FTCDNL1: variants seen among roughly 807,000 people sequenced by gnomAD.
FTCDNL1 encodes the protein formiminotransferase cyclodeaminase N-terminal like, also known as formiminotransferase N-terminal subdomain-containing protein.
FTCDNL1 carries 11 observed loss-of-function variants against 5.9 expected under a neutral mutation model. That is an observed-to-expected ratio of 1.87 (90% CI 1.18 to 3.10). The LOEUF (loss-of-function observed/expected upper bound fraction) is 3.10. Among genes scored for constraint, FTCDNL1 ranks in the 30% most tolerant of loss-of-function variants. The pLI, the probability that FTCDNL1 is intolerant of heterozygous loss-of-function variation, is 0.00. For missense variants in FTCDNL1, 115 were observed against 65.5 expected, an observed-to-expected ratio of 1.76 and a Z score of -2.61; for synonymous variants, 58 against 24.8, an observed-to-expected ratio of 2.34 and a Z score of -3.99.
At chr2:199,771,213 T>C (rs1698792055) in intron 3 of FTCDNL1, among the ~76,000 whole-genome samples, 1 of 152,252 alleles carries the variant, frequency 6.6e-6, no homozygotes, top group Non-Finnish European at 1.5e-5. Flanking sequence ...ACGAGTCAAC[T>C]ATAAGACAAT....
At chr2:199,714,698 A>G in the FTCDNL1 span, among the ~76,000 whole-genome samples, 3 of 152,164 alleles carry the variant, frequency 2.0e-5, no homozygotes, top group Non-Finnish European at 4.4e-5. Flanking sequence ...TGGCACAGGA[A>G]TGCTGGGGGG....
intron 3 of FTCDNL1, among the ~76,000 whole-genome samples, chr2:199,796,395 C>G (rs1256095858): frequency 6.6e-6 from 1 of 152,114 alleles, no homozygotes; most frequent in East Asian, 1.9e-4. Flanking sequence ...ATGGACTTAT[C>G]CTCAACTGAA....
At chr2:199,767,335 T>G (rs1036808723) in intron 3 of FTCDNL1, among the ~76,000 whole-genome samples, 1 of 152,194 alleles carries the variant, frequency 6.6e-6, no homozygotes, top group African/African-American at 2.4e-5. Context: ...CTGAATCCTC[T>G]CATTTCACAA....
chr2:199,819,760 G>A lies in FTCDNL1; in HGVS notation c.212-3C>T. 1 of 685,916 alleles carries A rather than the reference G, an allele frequency of 1.5e-6. No homozygotes were observed. The highest frequency in any genetic ancestry group is 2.7e-6 in the Non-Finnish European group (1 of 375,422). 42.5% of individuals were successfully genotyped at this position (685,916 alleles called of 1,614,324 possible). A position where few individuals can be genotyped will look rare whatever the true frequency, so the allele number is the denominator to read the frequency against. On this transcript the variant is annotated splice_polypyrimidine_tract_variant and splice_region_variant and intron_variant, in intron 3 of 4. Transcript: ENST00000420128. Reference sequence around the variant, plus strand: ...CAGCACCAGATCCTCAGCAAGGCCTGTGGCAGAGGGAATTTTAACCAAAGA... The same window carrying A: ...CAGCACCAGATCCTCAGCAAGGCCTATGGCAGAGGGAATTTTAACCAAAGA...
chr2:199,782,766 G>C (rs533815258), intron 3 of FTCDNL1, among the ~76,000 whole-genome samples: 1 of 152,288 alleles, frequency 6.6e-6, no homozygotes, highest in East Asian at 1.9e-4. Context: ...TCTTCAAAAT[G>C]TCTGGGACTT....
the FTCDNL1 span, among the ~76,000 whole-genome samples, chr2:199,739,763 C>T: frequency 6.6e-6 from 1 of 152,198 alleles, no homozygotes; most frequent in Non-Finnish European, 1.5e-5. Flanking sequence ...ATGAAAATAA[C>T]GCTGCATGCT....
chr2:199,757,297 A>G (rs938775920), downstream of FTCDNL1, among the ~76,000 whole-genome samples: 43 of 151,900 alleles, frequency 2.8e-4, no homozygotes, highest in Non-Finnish European at 4.9e-4. Context: ...AATAAATGCC[A>G]AACAAATAGG....
intron 3 of FTCDNL1, among the ~76,000 whole-genome samples, chr2:199,765,034 G>A (rs1346403845): frequency 6.6e-6 from 1 of 152,046 alleles, no homozygotes. Context: ...GCCTTCTTTC[G>A]CCCATCTCAA....
intron 3 of FTCDNL1, among the ~76,000 whole-genome samples, chr2:199,834,719 G>A (rs2106599865): frequency 6.6e-6 from 1 of 152,268 alleles, no homozygotes; most frequent in Non-Finnish European, 1.5e-5. Flanking sequence ...AAAGGAAGAC[G>A]TGTATTATTT....
At chr2:199,766,546 A>G (rs1038778788) in intron 3 of FTCDNL1, among the ~76,000 whole-genome samples, 3 of 152,238 alleles carry the variant, frequency 2.0e-5, no homozygotes, top group African/African-American at 7.2e-5. Context: ...TAATTTAGGA[A>G]TCAGAAATAT....
chr2:199,849,289 T>C (rs2076813851), intron 1 of FTCDNL1, among the ~76,000 whole-genome samples: 1 of 152,226 alleles, frequency 6.6e-6, no homozygotes, highest in East Asian at 1.9e-4. Flanking sequence ...TTCCTTAGCC[T>C]TATCCCTGTT....
chr2:199,701,297 T>A, the FTCDNL1 span, among the ~76,000 whole-genome samples: 6 of 70,892 alleles, frequency 8.5e-5, no homozygotes, highest in East Asian at 4.6e-4. Context: ...TACTTGAAAG[T>A]TTAAAAAAAA....
rs141478748 is a variant in FTCDNL1, at chr2:199,787,979, T to A, written c.212-27144A>T. 8.5e-5 allele frequency among the ~76,000 whole-genome samples: 13 copies of A among 152,354 alleles called. No homozygotes were observed. The East Asian group carries it at 2.5e-3, about 29-fold the overall frequency. On this transcript the variant is annotated intron_variant, in intron 3 of 3. Transcript: ENST00000416668. ...AAATTGGAATTGTAAGCACTGCAGA[T>A]TTGTATTCCATGCAGAAACTGGATT...
chr2:199,781,921 A>G (rs1016573466), intron 3 of FTCDNL1, among the ~76,000 whole-genome samples: 1 of 152,050 alleles, frequency 6.6e-6, no homozygotes, highest in African/African-American at 2.4e-5. Context: ...CTGGGACTAC[A>G]GGCGCCCGCC....
chr2:199,739,425 A>T, the FTCDNL1 span, among the ~76,000 whole-genome samples: 75 of 152,318 alleles, frequency 4.9e-4, no homozygotes, highest in Non-Finnish European at 8.5e-4. Flanking sequence ...TCATCTATTC[A>T]TTGGTTAAAA....
intron 4 of FTCDNL1, among the ~76,000 whole-genome samples, chr2:199,817,001 T>C (rs959335888): frequency 1.3e-5 from 2 of 152,258 alleles, no homozygotes; most frequent in African/African-American, 4.8e-5. Flanking sequence ...ATCTGTTTCA[T>C]TAACTAATTT....
the FTCDNL1 span, among the ~76,000 whole-genome samples, chr2:199,704,827 A>G: frequency 1.3e-5 from 2 of 152,110 alleles, no homozygotes; most frequent in Admixed American, 1.3e-4. Context: ...AATCTTGTAA[A>G]CCACCCCAAA....
At chr2:199,752,869 A>G in the FTCDNL1 span, among the ~76,000 whole-genome samples, 1 of 151,990 alleles carries the variant, frequency 6.6e-6, no homozygotes, top group African/African-American at 2.4e-5. Context: ...AGAGAGAGAG[A>G]GAGAAGTATA....
intron 4 of FTCDNL1, among the ~76,000 whole-genome samples, chr2:199,815,427 T>C (rs1049186516): frequency 1.3e-5 from 2 of 152,220 alleles, no homozygotes; most frequent in Admixed American, 6.5e-5. Flanking sequence ...GTACAGTTGA[T>C]AGCGCCAATC....
Sources: gnomAD v4.1 joint callset for allele counts (sites outside exome capture counted in the v4.1 genomes callset) on GRCh38, gnomAD v4.1.1 for gene constraint, MANE v1.5 for transcripts, NCBI Gene and HGNC (gene_info 2026-07-23, HGNC 2026-07-21) for gene names.